SNTG2: variants seen among roughly 807,000 people sequenced by gnomAD.
The protein encoded by SNTG2 is syntrophin gamma 2.
In SNTG2, 74 loss-of-function variants were observed where a neutral mutation model predicts 70.9. That is an observed-to-expected ratio of 1.04 (90% CI 0.86 to 1.27). The LOEUF (loss-of-function observed/expected upper bound fraction) is 1.27, where lower values mean the gene tolerates loss of function less well. Ranked by LOEUF, SNTG2 falls within the 50% of genes most tolerant of loss-of-function variation. SNTG2 has a pLI of 0.00. For missense variants in SNTG2, 717 were observed against 690.7 expected, an observed-to-expected ratio of 1.04 and a Z score of -0.43; for synonymous variants, 278 against 273.8, an observed-to-expected ratio of 1.02 and a Z score of -0.15.
chr2:1,196,550 A>G (rs921931615), intron 8 of SNTG2, among the ~76,000 whole-genome samples: 1 of 152,178 alleles, frequency 6.6e-6, no homozygotes, highest in African/African-American at 2.4e-5. Context: ...AATCAACCCA[A>G]AAAGGTCTTC....
chr2:1,175,358 A>T lies in SNTG2; in HGVS notation c.591+2175A>T, dbSNP rs1420890466. On this transcript the variant is annotated intron_variant, in intron 8 of 16. Transcript: ENST00000308624. ...TAGGTATTTATAATCAATTTGTGTC[A>T]TCTGTAGGCCTTGCCCTCTTGCCAC... is the stretch of plus-strand genomic sequence containing the variant. Among the ~76,000 whole-genome samples the T allele has an allele frequency of 2.0e-5, 3 of 152,156 alleles. No individual in the cohort carries two copies. The East Asian group carries it at 5.8e-4, about 29-fold the overall frequency.
chr2:975,882 T>C (rs557282945), intron 1 of SNTG2, among the ~76,000 whole-genome samples: 1 of 152,334 alleles, frequency 6.6e-6, no homozygotes, highest in East Asian at 1.9e-4. Context: ...CCTTTATTAA[T>C]GTGTTATGAA....
intron 14 of SNTG2, among the ~76,000 whole-genome samples, chr2:1,277,845 C>T (rs1300102236): frequency 2.0e-5 from 3 of 152,192 alleles, no homozygotes; most frequent in Non-Finnish European, 4.4e-5. Flanking sequence ...AGCAGGGGCA[C>T]AGCCTCATAG....
chr2:1,182,133 G>A (rs978134720), intron 8 of SNTG2, among the ~76,000 whole-genome samples: 4 of 152,078 alleles, frequency 2.6e-5, no homozygotes, highest in Non-Finnish European at 4.4e-5. Context: ...CTCGCCTTGG[G>A]AGATGGTGCC....
At chr2:1,193,812 C>A (rs2147946817) in intron 8 of SNTG2, among the ~76,000 whole-genome samples, 1 of 152,320 alleles carries the variant, frequency 6.6e-6, no homozygotes, top group African/African-American at 2.4e-5. Context: ...GATTCCTGAC[C>A]ACACTTTACA....
chr2:1,056,153 C>T (rs1445954729), intron 1 of SNTG2, among the ~76,000 whole-genome samples: 1 of 151,026 alleles, frequency 6.6e-6, no homozygotes, highest in Non-Finnish European at 1.5e-5. Context: ...GGACTCCCTG[C>T]GGATGGGCTC....
chr2:996,780 A>G (rs912247315), intron 1 of SNTG2, among the ~76,000 whole-genome samples: 4 of 146,990 alleles, frequency 2.7e-5, no homozygotes, highest in African/African-American at 5.1e-5. Context: ...ATTTTCCTCT[A>G]TTAACATGAG....
At chr2:988,946 C>T (rs1661413841) in intron 1 of SNTG2, among the ~76,000 whole-genome samples, 3 of 152,214 alleles carry the variant, frequency 2.0e-5, no homozygotes, top group South Asian at 4.1e-4. Flanking sequence ...TTGCATGTGT[C>T]TTGCACATAT....
At chr2:1,155,176 C>CACACACACACACA (rs547352326) in intron 6 of SNTG2, among the ~76,000 whole-genome samples, 1 of 147,250 alleles carries the variant, frequency 6.8e-6, no homozygotes, top group African/African-American at 2.5e-5. Flanking sequence ...TAGACCCCCC[C>CACACACACACACA]CCCACACACA....
At chr2:1,298,930 C>T (rs1347072932) in intron 14 of SNTG2, among the ~76,000 whole-genome samples, 1 of 152,188 alleles carries the variant, frequency 6.6e-6, no homozygotes, top group Admixed American at 6.5e-5. Flanking sequence ...CTGGGTGCTT[C>T]CTGCCCTTGA....
At chr2:1,309,431 A>G (rs1436109609) in intron 15 of SNTG2, among the ~76,000 whole-genome samples, 1 of 152,190 alleles carries the variant, frequency 6.6e-6, no homozygotes, top group Non-Finnish European at 1.5e-5. Context: ...CAAGACAAAA[A>G]CCTTTCCTAG....
intron 12 of SNTG2, among the ~76,000 whole-genome samples, chr2:1,255,171 T>C (rs930534212): frequency 6.6e-6 from 1 of 152,144 alleles, no homozygotes; most frequent in Non-Finnish European, 1.5e-5. Context: ...AGCCAGTCAT[T>C]TACCAAGTCA....
intron 4 of SNTG2, among the ~76,000 whole-genome samples, chr2:1,112,993 T>C (rs577712828): frequency 1.9e-4 from 29 of 151,740 alleles, no homozygotes; most frequent in Admixed American, 1.9e-3. Context: ...GGTTAAACCT[T>C]GCAGTCCTTT....
At chr2:1,027,523 T>A (rs113572645) in intron 1 of SNTG2, among the ~76,000 whole-genome samples, 102 of 98,100 alleles carry the variant, frequency 1.0e-3, no homozygotes, top group African/African-American at 1.3e-3. Context: ...TGACCCACAG[T>A]CACTATCCAG....
At chr2:1,062,024 C>T (rs991583135) in intron 1 of SNTG2, among the ~76,000 whole-genome samples, 1 of 151,962 alleles carries the variant, frequency 6.6e-6, no homozygotes, top group Non-Finnish European at 1.5e-5. Context: ...ACATAAGAGG[C>T]CTTTCACAGA....
intron 4 of SNTG2, among the ~76,000 whole-genome samples, chr2:1,135,066 A>G (rs920493949): frequency 2.0e-5 from 3 of 152,080 alleles, no homozygotes; most frequent in African/African-American, 7.2e-5. Flanking sequence ...GAGGCTGCTG[A>G]CCCATGGGCT....
At chr2:1,084,654 C>T (rs1216651573) in intron 2 of SNTG2, among the ~76,000 whole-genome samples, 4 of 152,210 alleles carry the variant, frequency 2.6e-5, no homozygotes, top group Non-Finnish European at 5.9e-5. Context: ...GTAACAAAAT[C>T]CCCAAGCTGG....
intron 9 of SNTG2, among the ~76,000 whole-genome samples, chr2:1,214,478 T>C (rs1674247764): frequency 6.6e-6 from 1 of 152,172 alleles, no homozygotes; most frequent in East Asian, 1.9e-4. Context: ...TTAAATTTAC[T>C]CCTAGGTATT....
At chr2:1,270,831 T>C (rs1184475673) in intron 14 of SNTG2, among the ~76,000 whole-genome samples, 3 of 152,224 alleles carry the variant, frequency 2.0e-5, no homozygotes, top group Non-Finnish European at 4.4e-5. Flanking sequence ...CAATTTTAAA[T>C]CTCCAGAATA....
Sources: gnomAD v4.1 joint callset for allele counts (sites outside exome capture counted in the v4.1 genomes callset) on GRCh38, gnomAD v4.1.1 for gene constraint, MANE v1.5 for transcripts, NCBI Gene and HGNC (gene_info 2026-07-23, HGNC 2026-07-21) for gene names.